The following OSBPL10 variants were observed in gnomAD, a reference collection of about 807,000 sequenced individuals.
The protein encoded by OSBPL10 is oxysterol binding protein like 10.
In OSBPL10, 49 loss-of-function variants were observed where a neutral mutation model predicts 81.7. The observed-to-expected ratio is 0.60, with a 90% CI of 0.48 to 0.76. OSBPL10 has a LOEUF of 0.76. Ranked by LOEUF, OSBPL10 falls within the 30% of genes least tolerant of loss-of-function variation. The pLI is 0.00. For missense variants in OSBPL10, 923 were observed against 987.8 expected (o/e 0.93, Z 0.88); for synonymous variants, 419 against 383.6 (o/e 1.09, Z -1.08).
chr3:32,038,565 A>G (rs568642402), intron 2 of OSBPL10, among the ~76,000 whole-genome samples: 1 of 152,158 alleles, frequency 6.6e-6, no homozygotes, highest in Non-Finnish European at 1.5e-5. Flanking sequence ...CAAGTGATCC[A>G]TCCACCTCGG....
At chr3:31,774,950 T>A (rs1401871703) in intron 4 of OSBPL10, among the ~76,000 whole-genome samples, 1 of 151,520 alleles carries the variant, frequency 6.6e-6, no homozygotes, top group Non-Finnish European at 1.5e-5. Context: ...GTGGATCACC[T>A]GAGGTCAGGA....
chr3:31,853,743 G>A (rs1700833078), intron 3 of OSBPL10, among the ~76,000 whole-genome samples: 3 of 152,186 alleles, frequency 2.0e-5, no homozygotes, highest in Admixed American at 6.5e-5. Flanking sequence ...GCACCTGCAC[G>A]TTCTGTTCTA....
At chr3:31,782,094 TAAAA>T (rs1698711336) in intron 4 of OSBPL10, among the ~76,000 whole-genome samples, 1 of 152,122 alleles carries the variant, frequency 6.6e-6, no homozygotes. Context: ...GGTACTGGTA[TAAAA>T]ATATGCACAT....
intron 1 of OSBPL10, among the ~76,000 whole-genome samples, chr3:31,917,680 T>G (rs932380025): frequency 3.4e-5 from 5 of 147,636 alleles, no homozygotes; most frequent in Admixed American, 6.9e-5. Flanking sequence ...ACTGATCTAG[T>G]ATGCTGACAA....
intron 4 of OSBPL10, among the ~76,000 whole-genome samples, chr3:31,789,467 A>C (rs1191247215): frequency 6.6e-6 from 1 of 152,176 alleles, no homozygotes; most frequent in Non-Finnish European, 1.5e-5. Context: ...TAGAAGTCTA[A>C]ATTGTAAACT....
chr3:31,862,969 G>A (rs1178366119), intron 3 of OSBPL10, among the ~76,000 whole-genome samples: 3 of 152,126 alleles, frequency 2.0e-5, no homozygotes, highest in Admixed American at 6.5e-5. Context: ...GCATACAAAT[G>A]TTCACAGCAG....
chr3:31,973,774 G>A (rs1423144993), intron 1 of OSBPL10, among the ~76,000 whole-genome samples: 2 of 152,180 alleles, frequency 1.3e-5, no homozygotes, highest in Non-Finnish European at 2.9e-5. Context: ...AGCCACTTTG[G>A]AAAACAGGTT....
At chr3:31,750,203 T>C (rs1424602047) in intron 4 of OSBPL10, among the ~76,000 whole-genome samples, 2 of 152,018 alleles carry the variant, frequency 1.3e-5, no homozygotes, top group East Asian at 3.9e-4. Flanking sequence ...AAATAAAAAT[T>C]GCACCTCCAG....
intron 2 of OSBPL10, among the ~76,000 whole-genome samples, chr3:31,997,211 A>G (rs1464426101): frequency 6.6e-6 from 1 of 152,170 alleles, no homozygotes; most frequent in Non-Finnish European, 1.5e-5. Flanking sequence ...TACAATGTCA[A>G]TAGGCAGTGT....
intron 4 of OSBPL10, among the ~76,000 whole-genome samples, chr3:31,820,801 A>T (rs1247914937): frequency 1.3e-5 from 2 of 152,068 alleles, no homozygotes; most frequent in Non-Finnish European, 2.9e-5. Context: ...GCAAGGTGAG[A>T]AACTCCTTCC....
intron 1 of OSBPL10, among the ~76,000 whole-genome samples, chr3:31,980,670 C>T (rs941216567): frequency 1.3e-5 from 2 of 152,216 alleles, no homozygotes; most frequent in South Asian, 2.1e-4. Context: ...GCCTCCCTCC[C>T]CGCCACTGCG....
intron 4 of OSBPL10, among the ~76,000 whole-genome samples, chr3:31,794,125 G>A (rs76562940): frequency 0.015 from 2,218 of 152,226 alleles, 47 homozygotes; most frequent in African/African-American, 0.051. Context: ...TGCAGCTCCC[G>A]ACCCCACTTT....
At chr3:31,733,700 T>G (rs570123754) in intron 5 of OSBPL10, among the ~76,000 whole-genome samples, 14 of 150,232 alleles carry the variant, frequency 9.3e-5, no homozygotes, top group South Asian at 6.4e-4. Flanking sequence ...TTTTTTTTTT[T>G]TTTTTTTTTT....
At chr3:31,983,212 C>G (rs935800536), upstream of OSBPL10, among the ~76,000 whole-genome samples, 1 of 152,174 alleles carries the variant, frequency 6.6e-6, no homozygotes, top group Non-Finnish European at 1.5e-5. Flanking sequence ...TTCATTGAGT[C>G]CTGCATTGAC....
intron 1 of OSBPL10, among the ~76,000 whole-genome samples, chr3:32,060,244 T>A (rs961161724): frequency 1.8e-4 from 28 of 152,172 alleles, no homozygotes; most frequent in Admixed American, 1.8e-3. Flanking sequence ...GAATGATGAA[T>A]GAATGCTGGC....
At chr3:31,989,024 G>A (rs1698983544) in intron 2 of OSBPL10, 3 of 1,600,764 alleles carry the variant, frequency 1.9e-6, no homozygotes, top group Admixed American at 3.4e-5. Flanking sequence ...TACAGAGCAG[G>A]AAGCAGATCG....
chr3:31,713,643 C>T (rs1696339949), intron 6 of OSBPL10, among the ~76,000 whole-genome samples: 1 of 152,092 alleles, frequency 6.6e-6, no homozygotes, highest in South Asian at 2.1e-4. Context: ...GTGATCCGCC[C>T]ACCTCATCCT....
chr3:31,899,876 A>C (rs1696181674), intron 1 of OSBPL10, among the ~76,000 whole-genome samples: 1 of 152,162 alleles, frequency 6.6e-6, no homozygotes, highest in Non-Finnish European at 1.5e-5. Context: ...CCCAGCATAG[A>C]AAATATTCTA....
At position 31,733,120 on chromosome 3, in the gene OSBPL10, C is replaced by G. The variant is rs558111384; in HGVS notation, c.1095+137G>C. On this transcript the variant is annotated intron_variant, in intron 6 of 11. Coordinates refer to ENST00000396556, the MANE Select transcript of OSBPL10 (RefSeq NM_017784.5). ...CGGGCATGCACATAGCTGATTTTGTCTCTCCAGGCAATTCTTCCATTTTTT... is the reference window on the plus strand; with the variant it reads ...CGGGCATGCACATAGCTGATTTTGTGTCTCCAGGCAATTCTTCCATTTTTT... 5 of 1,229,336 alleles carry G rather than the reference C, an allele frequency of 4.1e-6. No individual in the cohort carries two copies. The African/African-American group carries it at 6.2e-5, about 15-fold the overall frequency. The allele number at this position is 1,229,336 out of a possible 1,614,324, so 76.2% of individuals were successfully genotyped here.
Sources: gnomAD v4.1 joint callset for allele counts (sites outside exome capture counted in the v4.1 genomes callset) on GRCh38, gnomAD v4.1.1 for gene constraint, MANE v1.5 for transcripts, NCBI Gene and HGNC (gene_info 2026-07-23, HGNC 2026-07-21) for gene names.